SPPL3: variants seen among roughly 807,000 people sequenced by gnomAD.
SPPL3 encodes the protein signal peptide peptidase-like 3.
SPPL3 carries 5 observed loss-of-function variants against 42.4 expected under a neutral mutation model. The observed-to-expected ratio is 0.12, with a 90% confidence interval of 0.06 to 0.25. The LOEUF (loss-of-function observed/expected upper bound fraction) is 0.25, where lower values mean the gene tolerates loss of function less well. SPPL3 is among the 10% of genes least tolerant of loss of function. SPPL3 has a pLI of 1.00. For synonymous variants in SPPL3, 195 were observed against 181.8 expected (o/e 1.07, Z -0.58); for missense variants, 235 against 489.0 (o/e 0.48, Z 4.90).
At chr12:120,878,356 G>C (rs559031328) in intron 1 of SPPL3, among the ~76,000 whole-genome samples, 9 of 152,008 alleles carry the variant, frequency 5.9e-5, no homozygotes, top group Non-Finnish European at 1.0e-4. Flanking sequence ...GGGAAAACTT[G>C]GAAAAATAAG....
At chr12:120,835,704 C>G (rs921267918) in intron 1 of SPPL3, 4 of 152,156 alleles carry the variant, frequency 2.6e-5, no homozygotes, top group Admixed American at 1.3e-4. Flanking sequence ...TCTGTGTGGT[C>G]TCTCCAAGTC....
intron 1 of SPPL3, among the ~76,000 whole-genome samples, chr12:120,889,739 A>C (rs1263504413): frequency 6.6e-6 from 1 of 152,246 alleles, no homozygotes; most frequent in Non-Finnish European, 1.5e-5. Flanking sequence ...GCTAACTGAT[A>C]TAGTCACCAA....
intron 1 of SPPL3, among the ~76,000 whole-genome samples, chr12:120,888,817 T>A (rs1593012838): frequency 6.6e-6 from 1 of 152,158 alleles, no homozygotes; most frequent in East Asian, 1.9e-4. Flanking sequence ...TATCTTATAT[T>A]TTATTTTTTG....
chr12:120,782,505 G>A (rs932248716), intron 6 of SPPL3, 150 bp downstream of exon 6: 2 of 556,400 alleles, frequency 3.6e-6, no homozygotes, highest in Non-Finnish European at 6.4e-6. Flanking sequence ...TGGGTAAGGG[G>A]AATGACCGCT....
At chr12:120,786,155 C>T (rs529322320) in intron 3 of SPPL3, among the ~76,000 whole-genome samples, 1 of 152,162 alleles carries the variant, frequency 6.6e-6, no homozygotes, top group East Asian at 1.9e-4. Flanking sequence ...AGGAATAGGA[C>T]AATTCAATTT....
intron 1 of SPPL3, among the ~76,000 whole-genome samples, chr12:120,863,352 G>GA (rs71076670): frequency 7.8e-4 from 105 of 135,220 alleles, no homozygotes; most frequent in Admixed American, 2.5e-3. Flanking sequence ...CATCTCAAAA[G>GA]AAAAAAAAAA....
intron 1 of SPPL3, among the ~76,000 whole-genome samples, chr12:120,862,761 C>A (rs2137043456): frequency 6.6e-6 from 1 of 152,224 alleles, no homozygotes; most frequent in South Asian, 2.1e-4. Context: ...TTGATTAAAT[C>A]ACTGGCCTTT....
In SPPL3 at chr12:120,818,911, C is replaced by G. The variant is rs377113956; in HGVS notation, c.24-8025G>C. ...ATCTATTTTCCAAAACAAAACAGAA[C>G]AAAAAAATTAAGCGAGACAAGGAAC... On this transcript the variant is annotated intron_variant, in intron 1 of 10. Transcript: ENST00000353487. Among the ~76,000 whole-genome samples the G allele has an allele frequency of 2.6e-5, 4 of 152,176 alleles. No homozygotes were observed. In the East Asian group the frequency reaches 7.7e-4, roughly 29 times the overall value.
At chr12:120,854,226 G>A (rs916270561) in intron 1 of SPPL3, among the ~76,000 whole-genome samples, 2 of 152,084 alleles carry the variant, frequency 1.3e-5, no homozygotes, top group Non-Finnish European at 1.5e-5. Flanking sequence ...ACTGACCCAA[G>A]GAAATCAGAA....
chr12:120,822,145 TG>T (rs1449364266), intron 1 of SPPL3, among the ~76,000 whole-genome samples: 1 of 152,086 alleles, frequency 6.6e-6, no homozygotes, highest in Admixed American at 6.5e-5. Flanking sequence ...CTGTTTGGGA[TG>T]ATGAAAAAGG....
rs1266965160 is a variant in SPPL3, at chr12:120,806,895, C to T, written c.101+3914G>A. On this transcript the variant is annotated intron_variant, in intron 2 of 10. Transcript: ENST00000353487. ...AAAACATAGGAGAAAATCCTTGTAC[C>T]CATGTACCAATTTACCAGTTTCACA... 8.6e-5 allele frequency among the ~76,000 whole-genome samples: 13 copies of T among 151,464 alleles called. No individual in the cohort carries two copies. In the East Asian group the frequency reaches 2.5e-3, roughly 29 times the overall value.
intron 1 of SPPL3, among the ~76,000 whole-genome samples, chr12:120,863,660 A>C (rs1327903880): frequency 6.6e-6 from 1 of 152,076 alleles, no homozygotes; most frequent in Non-Finnish European, 1.5e-5. Context: ...TAGGTTTTTT[A>C]ATTCTTTTTG....
At chr12:120,792,137 G>C (rs990518610) in intron 2 of SPPL3, among the ~76,000 whole-genome samples, 1 of 152,150 alleles carries the variant, frequency 6.6e-6, no homozygotes, top group Admixed American at 6.5e-5. Context: ...GTTCATGGCA[G>C]GTGCTAAGGA....
At chr12:120,822,333 A>G (rs1871096811) in intron 1 of SPPL3, among the ~76,000 whole-genome samples, 1 of 152,222 alleles carries the variant, frequency 6.6e-6, no homozygotes, top group Non-Finnish European at 1.5e-5. Flanking sequence ...CTTAACCTCT[A>G]AAAGAACTGG....
At chr12:120,823,531 T>A (rs1430699880) in intron 1 of SPPL3, among the ~76,000 whole-genome samples, 1 of 152,170 alleles carries the variant, frequency 6.6e-6, no homozygotes, top group Non-Finnish European at 1.5e-5. Context: ...TCCCACGACA[T>A]CCTACTGGAT....
intron 1 of SPPL3, among the ~76,000 whole-genome samples, chr12:120,855,909 C>T (rs1872439578): frequency 6.6e-6 from 1 of 152,198 alleles, no homozygotes; most frequent in African/African-American, 2.4e-5. Flanking sequence ...CTGGAATGCA[C>T]CTGAGAAAAT....
intron 1 of SPPL3, among the ~76,000 whole-genome samples, chr12:120,899,770 G>A (rs1410637363): frequency 6.7e-6 from 1 of 149,064 alleles, no homozygotes; most frequent in Non-Finnish European, 1.5e-5. Context: ...GTACACGCCT[G>A]TAATCCCAGC....
intron 1 of SPPL3, among the ~76,000 whole-genome samples, chr12:120,874,262 G>C (rs1210933680): frequency 6.6e-6 from 1 of 151,916 alleles, no homozygotes; most frequent in Non-Finnish European, 1.5e-5. Context: ...AGACCAACCT[G>C]GCCAACATGG....
In SPPL3 at chr12:120,786,638, T is replaced by C. The variant is rs190196606; in HGVS notation, c.191-2045A>G. Among the ~76,000 whole-genome samples the C allele has an allele frequency of 7.9e-5, 12 of 152,098 alleles. No homozygotes were observed. The East Asian group carries it at 2.3e-3, about 29-fold the overall frequency. ...CAAAGGACCTTTCTGGCGTATTAGA[T>C]AGAATGCACAGATTTTTTTTTTTTT... On this transcript the variant is annotated intron_variant, in intron 3 of 10. Coordinates refer to ENST00000353487, the MANE Select transcript of SPPL3 (RefSeq NM_139015.5).
Sources: allele counts gnomAD v4.1 joint callset (sites outside exome capture counted in the v4.1 genomes callset), GRCh38; gene constraint gnomAD v4.1.1; transcripts MANE v1.5; gene names NCBI Gene and HGNC (gene_info 2026-07-23, HGNC 2026-07-21).